Variants in METTL25 observed in about 807,000 individuals in gnomAD.
METTL25 encodes the protein probable methyltransferase-like protein 25.
A neutral mutation model predicts 71.6 loss-of-function variants in METTL25; 64 were observed. The observed-to-expected ratio is 0.89, with a 90% CI of 0.73 to 1.10. METTL25 has a LOEUF of 1.10. METTL25 is among the 50% of genes least tolerant of loss of function. The probability of loss-of-function intolerance (pLI) is 0.00; values close to 1 mark genes in which losing one functional copy is unlikely to be tolerated. For missense variants in METTL25, 807 were observed against 707.0 expected (o/e 1.14, Z -1.60); for synonymous variants, 287 against 250.3 (o/e 1.15, Z -1.38).
At chr12:82,366,529 A>G (rs1394282571) in intron 1 of METTL25, among the ~76,000 whole-genome samples, 3 of 152,168 alleles carry the variant, frequency 2.0e-5, no homozygotes, top group Non-Finnish European at 4.4e-5. Flanking sequence ...AACAACACAG[A>G]AAGTGTATGT....
At chr12:82,433,426 C>T (rs1381999961) in intron 6 of METTL25, among the ~76,000 whole-genome samples, 3 of 151,594 alleles carry the variant, frequency 2.0e-5, no homozygotes, top group Non-Finnish European at 4.4e-5. Flanking sequence ...CTCCTGTATT[C>T]GTAACATTCT....
intron 1 of METTL25, among the ~76,000 whole-genome samples, chr12:82,368,697 C>T (rs576403510): frequency 1.3e-5 from 2 of 152,282 alleles, no homozygotes; most frequent in South Asian, 2.1e-4. Context: ...GTTCTCAAAT[C>T]CTAGGGAAAT....
At chr12:82,396,444 A>G (rs1023281994) in intron 3 of METTL25, among the ~76,000 whole-genome samples, 48 of 152,074 alleles carry the variant, frequency 3.2e-4, no homozygotes, top group African/African-American at 1.1e-3. Flanking sequence ...CATTACTGTA[A>G]GTATAGGAAT....
chr12:82,450,101 A>G (rs558904874), intron 8 of METTL25, among the ~76,000 whole-genome samples: 3 of 152,172 alleles, frequency 2.0e-5, no homozygotes, highest in Admixed American at 6.6e-5. Context: ...AAGACTCAGA[A>G]TATACTCACC....
chr12:82,380,433 ATG>A (rs72397374), intron 1 of METTL25, among the ~76,000 whole-genome samples: 138,833 of 151,016 alleles, frequency 0.92, 64,078 homozygotes, highest in East Asian at 0.99. Flanking sequence ...ATGTATGTGT[ATG>A]TATATATATA....
intron 8 of METTL25, among the ~76,000 whole-genome samples, chr12:82,440,309 C>T (rs573388688): frequency 6.6e-6 from 1 of 151,940 alleles, no homozygotes; most frequent in East Asian, 1.9e-4. Flanking sequence ...TTCAGAAGTC[C>T]ACATCCACTT....
chr12:82,454,877 A>C (rs1891379794), intron 8 of METTL25, among the ~76,000 whole-genome samples: 1 of 151,956 alleles, frequency 6.6e-6, no homozygotes, highest in African/African-American at 2.4e-5. Context: ...AATATTAATG[A>C]AAGTAACAAC....
At chr12:82,400,813 G>A (rs547134629) in intron 4 of METTL25, among the ~76,000 whole-genome samples, 3 of 152,078 alleles carry the variant, frequency 2.0e-5, no homozygotes, top group African/African-American at 7.2e-5. Flanking sequence ...TTTACTAGTA[G>A]GATAATATGG....
At chr12:82,369,522 G>T in intron 1 of METTL25, 1 of 445,454 alleles carries the variant, frequency 2.2e-6, no homozygotes, top group Non-Finnish European at 4.5e-6. Flanking sequence ...TGGGTTCATG[G>T]TCCTGCTGAC....
Position 82,455,180 on chromosome 12 carries a change from G to A in METTL25, c.1479-1547G>A, listed in dbSNP as rs534167198. Among the ~76,000 whole-genome samples the A allele has an allele frequency of 3.3e-5, 5 of 151,476 alleles. No individual in the cohort carries two copies. In the South Asian group the frequency reaches 8.3e-4, roughly 25 times the overall value. On this transcript the variant is annotated intron_variant, in intron 8 of 11. Transcript: ENST00000248306. ...TTGGATTAAAAAAAAAAAAATCAAA[G>A]CTTAACTTTTTTAAGCTGAGCAGCA...
rs554372801 is a variant in METTL25, at chr12:82,478,503, CATAT to C, written c.1720-425_1720-422del. Among the ~76,000 whole-genome samples the C allele has an allele frequency of 3.0e-4, 46 of 151,616 alleles. 1 individual carries two copies. In the South Asian group the frequency reaches 3.9e-3, roughly 13 times the overall value. On this transcript the variant is annotated intron_variant, in intron 11 of 11. Transcript: ENST00000248306. Reference sequence around the variant, plus strand: ...ATCTCTCAAATATATATGGTTATAACATATATAGTGCATATTATTTGTACTTTAA... The same window carrying C: ...ATCTCTCAAATATATATGGTTATAACATAGTGCATATTATTTGTACTTTAA...
At chr12:82,366,864 T>A (rs950213438) in intron 1 of METTL25, among the ~76,000 whole-genome samples, 3 of 152,210 alleles carry the variant, frequency 2.0e-5, no homozygotes, top group African/African-American at 4.8e-5. Context: ...TCATTTTAGA[T>A]TTCAAATGTA....
chr12:82,451,853 A>G (rs1391964102), intron 8 of METTL25, among the ~76,000 whole-genome samples: 5 of 152,160 alleles, frequency 3.3e-5, no homozygotes, highest in Non-Finnish European at 1.5e-5. Context: ...AAATATTAAT[A>G]TGTTTAAATG....
chr12:82,379,774 A>T (rs1592610699), intron 1 of METTL25, among the ~76,000 whole-genome samples: 1 of 152,130 alleles, frequency 6.6e-6, no homozygotes. Flanking sequence ...CTTTCATCCT[A>T]CCTAGAGCAT....
intron 8 of METTL25, among the ~76,000 whole-genome samples, chr12:82,452,434 T>G (rs1220231668): frequency 1.3e-5 from 2 of 152,168 alleles, no homozygotes; most frequent in African/African-American, 4.8e-5. Context: ...GCCAATGAGT[T>G]TGAGGCTGCA....
chr12:82,440,042 A>G (rs1420605607), intron 8 of METTL25, among the ~76,000 whole-genome samples: 1 of 151,948 alleles, frequency 6.6e-6, no homozygotes, highest in Non-Finnish European at 1.5e-5. Context: ...TTTTAGTCAC[A>G]TTTGACCATG....
At chr12:82,434,089 C>G (rs1256090888) in intron 6 of METTL25, among the ~76,000 whole-genome samples, 1 of 150,842 alleles carries the variant, frequency 6.6e-6, no homozygotes, top group Non-Finnish European at 1.5e-5. Context: ...AATGCAAAAA[C>G]CAGTGTATAT....
At position 82,399,269 on chromosome 12, in the gene METTL25, A is replaced by G. The variant is rs1268701752; in HGVS notation, c.1006A>G (p.Thr336Ala). ...TTCACAGCAAATACCCAACAGAGAAACATCTGAAGCCAATAAAGAGAGAAG... is the reference window on the plus strand; with the variant it reads ...TTCACAGCAAATACCCAACAGAGAAGCATCTGAAGCCAATAAAGAGAGAAG... ...TSSQQIPNRETSEANKERRKM... is the reference protein window; with the variant it reads ...TSSQQIPNREASEANKERRKM... The change falls in exon 4 of 12, where the codon ACA (threonine) becomes GCA (alanine). Residue 336 changes from threonine (T) to alanine (A), a missense_variant. Thr to Ala is a moderately conservative substitution (Grantham distance 58). Coordinates refer to ENST00000248306, the MANE Select transcript of METTL25 (RefSeq NM_032230.3). 6.2e-7 allele frequency: 1 copy of G among 1,613,700 alleles called. No homozygotes were observed. The highest frequency in any genetic ancestry group is 8.5e-7 in the Non-Finnish European group (1 of 1,179,880).
chr12:82,425,406 A>G (rs977346004), intron 5 of METTL25, among the ~76,000 whole-genome samples: 6 of 152,130 alleles, frequency 3.9e-5, no homozygotes, highest in African/African-American at 7.2e-5. Context: ...GGAACATTTC[A>G]TAGGCAGATA....
Sources: gnomAD v4.1 joint callset for allele counts (sites outside exome capture counted in the v4.1 genomes callset) on GRCh38, gnomAD v4.1.1 for gene constraint, MANE v1.5 for transcripts, NCBI Gene and HGNC (gene_info 2026-07-23, HGNC 2026-07-21) for gene names.